The following LINC00305 variants were observed in gnomAD, a reference collection of about 807,000 sequenced individuals.
LINC00305 encodes long independently transcribed non-coding RNA 305.
intron 1 of LINC00305, among the ~76,000 whole-genome samples, chr18:64,130,000 C>G (rs937269133): frequency 2.0e-5 from 3 of 148,766 alleles, no homozygotes; most frequent in Admixed American, 2.0e-4. Flanking sequence ...TTTAATTATA[C>G]TTTAAGTTCT....
intron 3 of LINC00305, among the ~76,000 whole-genome samples, chr18:64,093,648 A>G (rs2850685): frequency 0.15 from 23,246 of 152,170 alleles, 1,793 homozygotes; most frequent in Non-Finnish European, 0.16. Context: ...CTACCCTGTC[A>G]ATATGTTCTT....
intron 1 of LINC00305, among the ~76,000 whole-genome samples, chr18:64,109,475 G>A (rs1405768245): frequency 6.6e-6 from 1 of 152,204 alleles, no homozygotes; most frequent in Non-Finnish European, 1.5e-5. Context: ...GATAAAGCAT[G>A]TGAATACTTG....
chr18:64,116,646 G>A (rs2051339192), intron 1 of LINC00305, among the ~76,000 whole-genome samples: 3 of 152,002 alleles, frequency 2.0e-5, no homozygotes, highest in Admixed American at 1.3e-4. Context: ...ATGTGATGAT[G>A]CTTTGACACA....
intron 1 of LINC00305, among the ~76,000 whole-genome samples, chr18:64,109,848 A>G (rs1364370513): frequency 1.3e-5 from 2 of 152,264 alleles, no homozygotes; most frequent in African/African-American, 4.8e-5. Flanking sequence ...ATTAATTGCC[A>G]GTGCAAGACT....
At chr18:64,108,105 C>T (rs577537768) in intron 1 of LINC00305, among the ~76,000 whole-genome samples, 2 of 152,272 alleles carry the variant, frequency 1.3e-5, no homozygotes, top group African/African-American at 4.8e-5. Flanking sequence ...GAGCCTCAGA[C>T]CCAGGTTGAG....
chr18:64,126,174 C>T (rs1023591185), intron 1 of LINC00305, among the ~76,000 whole-genome samples: 2 of 152,014 alleles, frequency 1.3e-5, no homozygotes, highest in African/African-American at 2.4e-5. Flanking sequence ...GATAGCTTCT[C>T]ATATGGCCTC....
intron 1 of LINC00305, among the ~76,000 whole-genome samples, chr18:64,115,488 G>T (rs527643627): frequency 1.3e-5 from 2 of 152,218 alleles, no homozygotes; most frequent in South Asian, 2.1e-4. Flanking sequence ...GCTGCTTATG[G>T]GGGTAAGGTA....
rs565690669 is a variant in LINC00305 at position 64,144,816 on chromosome 18, C to A, written n.314+3959G>T. On this transcript the variant is annotated intron_variant and non_coding_transcript_variant, in intron 1 of 3. Coordinates refer to ENST00000666468, the Ensembl canonical transcript of LINC00305. ...CGAGCCAGCAGCGCGGGATGTGCTT[C>A]CCCCTGCAGAGGGCCTATGAATGGA... Among the ~76,000 whole-genome samples the A allele has an allele frequency of 2.2e-3, 341 of 152,306 alleles. 2 individuals carry two copies. Among genetic ancestry groups the A allele is most frequent in the African/African-American group, 8.0e-3 (331 of 41,570 alleles).
At chr18:64,135,121 C>G (rs1412193949) in intron 1 of LINC00305, among the ~76,000 whole-genome samples, 2 of 152,138 alleles carry the variant, frequency 1.3e-5, no homozygotes, top group Admixed American at 6.5e-5. Context: ...CTGTGGCTGT[C>G]TTGTCCTTGT....
intron 1 of LINC00305, among the ~76,000 whole-genome samples, chr18:64,113,632 G>GT (rs145649594): frequency 0.068 from 10,313 of 152,208 alleles, 522 homozygotes; most frequent in Non-Finnish European, 0.11. Context: ...AGGGAAAGGC[G>GT]TAAGTGCTGT....
At chr18:64,142,220 T>C (rs1212901881) in intron 1 of LINC00305, among the ~76,000 whole-genome samples, 1 of 152,190 alleles carries the variant, frequency 6.6e-6, no homozygotes, top group East Asian at 1.9e-4. Context: ...GTAGTCTGTC[T>C]GGGTATGGAG....
chr18:64,095,013 A>G (rs1243551084), intron 3 of LINC00305, among the ~76,000 whole-genome samples: 1 of 152,176 alleles, frequency 6.6e-6, no homozygotes, highest in Admixed American at 6.5e-5. Context: ...AGCCATACAG[A>G]GAAGAGACTG....
chr18:64,108,132 GA>G (rs1005704018), intron 1 of LINC00305, among the ~76,000 whole-genome samples: 2 of 151,800 alleles, frequency 1.3e-5, no homozygotes, highest in East Asian at 1.9e-4. Flanking sequence ...CTGGCCTTAA[GA>G]AAAAAAATGG....
intron 1 of LINC00305, among the ~76,000 whole-genome samples, chr18:64,143,768 ATGCG>A (rs2051482402): frequency 6.7e-6 from 1 of 150,264 alleles, no homozygotes; most frequent in Non-Finnish European, 1.5e-5. Context: ...TACACATATT[ATGCG>A]TACATGTATG....
exon 1 of LINC00305, chr18:64,148,984 A>T (rs2051512011): frequency 1.3e-5 from 2 of 152,212 alleles, no homozygotes; most frequent in Non-Finnish European, 2.9e-5. Flanking sequence ...TAAATTGGAG[A>T]CAAGTTCACA....
At chr18:64,141,109 A>G (rs2051460972) in intron 1 of LINC00305, among the ~76,000 whole-genome samples, 1 of 151,046 alleles carries the variant, frequency 6.6e-6, no homozygotes. Context: ...AGAAGAGTGC[A>G]GCCTGTGGAC....
intron 1 of LINC00305, among the ~76,000 whole-genome samples, chr18:64,106,220 A>T (rs951930955): frequency 4.6e-5 from 7 of 152,088 alleles, no homozygotes; most frequent in African/African-American, 9.7e-5. Context: ...TCCATTGCTC[A>T]CCTCTGCTTA....
intron 1 of LINC00305, among the ~76,000 whole-genome samples, chr18:64,130,191 A>G (rs982921600): frequency 2.0e-5 from 3 of 152,108 alleles, no homozygotes; most frequent in Admixed American, 6.6e-5. Flanking sequence ...CATTCTATGT[A>G]CCTTCAGTAG....
At chr18:64,128,843 C>T (rs1051190791) in intron 1 of LINC00305, among the ~76,000 whole-genome samples, 1 of 152,138 alleles carries the variant, frequency 6.6e-6, no homozygotes, top group African/African-American at 2.4e-5. Context: ...AACCCTGACA[C>T]AGCAAGATTC....
Sources: gnomAD v4.1 joint callset for allele counts (sites outside exome capture counted in the v4.1 genomes callset) on GRCh38, gnomAD v4.1.1 for gene constraint, MANE v1.5 for transcripts, NCBI Gene and HGNC (gene_info 2026-07-23, HGNC 2026-07-21) for gene names.